The following TENM3 variants were observed in gnomAD, a reference collection of about 807,000 sequenced individuals.
The protein encoded by TENM3 is teneurin-3.
A neutral mutation model predicts 255.1 loss-of-function variants in TENM3; 63 were observed. The ratio of observed to expected loss-of-function variants is 0.25; its 90% CI spans 0.20 to 0.30. The LOEUF is 0.30. Among genes scored for constraint, TENM3 ranks in the 10% least tolerant of loss-of-function variants. The pLI, the probability that TENM3 is intolerant of heterozygous loss-of-function variation, is 1.00. For missense variants in TENM3, 2,929 were observed against 3,461.1 expected (o/e 0.85, Z 3.86); for synonymous variants, 1,306 against 1,322.3 (o/e 0.99, Z 0.27).
At chr4:182,036,912 A>G in the TENM3 span, among the ~76,000 whole-genome samples, 1 of 152,098 alleles carries the variant, frequency 6.6e-6, no homozygotes, top group Admixed American at 6.6e-5. Flanking sequence ...CAGTCAACAG[A>G]TCTCAGTGTA....
intron 22 of TENM3, among the ~76,000 whole-genome samples, chr4:182,756,931 G>A (rs181605112): frequency 2.5e-4 from 38 of 152,244 alleles, no homozygotes; most frequent in African/African-American, 8.7e-4. Context: ...CAAAGTGATC[G>A]CAGGCTAGAT....
rs116671119 is a variant in TENM3 at position 182,397,620 on chromosome 4, C to T, written c.511+50691C>T. ...TGAGAAAGGTTAGAATCACACTTAC[C>T]GGGGCTACTACCGTAACAAGCAATG... On this transcript the variant is annotated intron_variant, in intron 3 of 27. Transcript: ENST00000511685. Among the ~76,000 whole-genome samples, 817 of 152,068 alleles carry T rather than the reference C, an allele frequency of 5.4e-3. 6 individuals are homozygous for T. The highest frequency in any genetic ancestry group is 0.019 in the African/African-American group (774 of 41,468).
the TENM3 span, among the ~76,000 whole-genome samples, chr4:181,892,304 G>C: frequency 0.19 from 29,472 of 151,934 alleles, 3,172 homozygotes; most frequent in Non-Finnish European, 0.24. Context: ...CAAAGTTTCT[G>C]GTTTACTTCT....
At chr4:182,308,505 C>T (rs976077802) in intron 1 of TENM3, among the ~76,000 whole-genome samples, 2 of 151,876 alleles carry the variant, frequency 1.3e-5, no homozygotes, top group African/African-American at 4.8e-5. Context: ...CAAAACAAAA[C>T]AAAAAAACTT....
the TENM3 span, among the ~76,000 whole-genome samples, chr4:181,729,181 TA>T: frequency 4.6e-5 from 7 of 152,290 alleles, no homozygotes; most frequent in South Asian, 6.2e-4. Flanking sequence ...ATTTTGCATT[TA>T]AAAAAATATG....
At chr4:181,816,593 A>G in the TENM3 span, among the ~76,000 whole-genome samples, 1 of 152,186 alleles carries the variant, frequency 6.6e-6, no homozygotes, top group South Asian at 2.1e-4. Context: ...TCTTGAAGGC[A>G]CCCACAACAT....
At chr4:181,858,360 C>A in the TENM3 span, among the ~76,000 whole-genome samples, 1 of 152,214 alleles carries the variant, frequency 6.6e-6, no homozygotes, top group East Asian at 1.9e-4. Context: ...TTGTGGGGGG[C>A]AGAAATTAGG....
the TENM3 span, among the ~76,000 whole-genome samples, chr4:181,781,649 C>T: frequency 4.7e-4 from 72 of 152,246 alleles, no homozygotes; most frequent in South Asian, 7.0e-3. Context: ...GAACTTCCAA[C>T]GCTATGTTGA....
At chr4:181,906,324 G>A in the TENM3 span, 3 of 184,822 alleles carry the variant, frequency 1.6e-5, no homozygotes, top group Non-Finnish European at 2.3e-5. Flanking sequence ...AAGGTAGTTC[G>A]TATTCCAAAC....
the TENM3 span, among the ~76,000 whole-genome samples, chr4:181,965,688 T>C: frequency 6.6e-6 from 1 of 152,218 alleles, no homozygotes; most frequent in African/African-American, 2.4e-5. Flanking sequence ...TAAGTCAGGC[T>C]CCAAACAAGA....
intron 3 of TENM3, among the ~76,000 whole-genome samples, chr4:182,370,840 A>G (rs1324368061): frequency 6.6e-6 from 1 of 152,202 alleles, no homozygotes; most frequent in Non-Finnish European, 1.5e-5. Context: ...CAAATAGTTG[A>G]ATATCTTAAT....
intron 1 of TENM3, among the ~76,000 whole-genome samples, chr4:182,320,081 C>T (rs550081347): frequency 6.6e-6 from 1 of 150,532 alleles, no homozygotes; most frequent in Admixed American, 6.6e-5. Context: ...CCAGTGCAAT[C>T]CAGCCTGAGT....
the TENM3 span, among the ~76,000 whole-genome samples, chr4:181,680,145 T>C: frequency 5.1e-3 from 769 of 152,254 alleles, 4 homozygotes; most frequent in Non-Finnish European, 7.9e-3. Context: ...AGGTAAACCC[T>C]TTGCCGCCTT....
chr4:182,562,525 AT>A, intron 3 of TENM3, among the ~76,000 whole-genome samples: 1 of 151,878 alleles, frequency 6.6e-6, no homozygotes, highest in East Asian at 1.9e-4. Flanking sequence ...TTTCCGTGCC[AT>A]TTTTCACTCA....
At chr4:181,890,316 C>G in the TENM3 span, among the ~76,000 whole-genome samples, 15 of 152,132 alleles carry the variant, frequency 9.9e-5, no homozygotes, top group African/African-American at 3.6e-4. Flanking sequence ...TGTGGTACTA[C>G]CTGATACAGG....
the TENM3 span, among the ~76,000 whole-genome samples, chr4:181,462,552 T>G: frequency 6.6e-6 from 1 of 152,220 alleles, no homozygotes; most frequent in Non-Finnish European, 1.5e-5. Context: ...CTGAAAACTG[T>G]CTTTTCAAAT....
the TENM3 span, among the ~76,000 whole-genome samples, chr4:181,496,048 G>A: frequency 1.3e-5 from 2 of 151,972 alleles, no homozygotes; most frequent in Non-Finnish European, 2.9e-5. Context: ...CAGAGCAAAT[G>A]ACCAGAAAAT....
intron 2 of TENM3, among the ~76,000 whole-genome samples, chr4:182,337,162 G>A (rs1561337120): frequency 6.6e-6 from 1 of 152,098 alleles, no homozygotes. Context: ...TCTTAGAAAG[G>A]TCCTAAGTGG....
chr4:182,743,106 A>T lies in TENM3; in HGVS notation c.3380-64A>T, dbSNP rs944093575. Reference sequence around the variant, plus strand: ...AATTATAGTTAAAACAATCATGAACATGTTTGCTTTTCATCTTTACACTTT... The same window carrying T: ...AATTATAGTTAAAACAATCATGAACTTGTTTGCTTTTCATCTTTACACTTT... On this transcript the variant is annotated intron_variant, in intron 18 of 27. Coordinates refer to ENST00000511685, the MANE Select transcript of TENM3 (RefSeq NM_001080477.4). 2.0e-6 allele frequency: 3 copies of T among 1,502,274 alleles called. No homozygotes were observed. In the African/African-American group the frequency reaches 4.2e-5, roughly 21 times the overall value. The allele number at this position is 1,502,274 out of a possible 1,614,324, so 93.1% of individuals were successfully genotyped here.
Sources: gnomAD v4.1 joint callset for allele counts (sites outside exome capture counted in the v4.1 genomes callset) on GRCh38, gnomAD v4.1.1 for gene constraint, MANE v1.5 for transcripts, NCBI Gene and HGNC (gene_info 2026-07-23, HGNC 2026-07-21) for gene names.